The following DOCK5 variants were observed in gnomAD, a reference collection of about 807,000 sequenced individuals.
DOCK5 encodes dedicator of cytokinesis protein 5.
DOCK5 carries 142 observed loss-of-function variants against 251.8 expected under a neutral mutation model. The observed-to-expected ratio is 0.56, with a 90% CI of 0.49 to 0.65. DOCK5 has a LOEUF of 0.65. DOCK5 is among the 30% of genes least tolerant of loss of function. DOCK5 has a pLI of 0.00. For synonymous variants in DOCK5, 842 were observed against 835.5 expected (o/e 1.01, Z -0.13); for missense variants, 2,111 against 2,312.3 (o/e 0.91, Z 1.79).
At chr8:25,308,056 C>T (rs1199303413) in intron 11 of DOCK5, among the ~76,000 whole-genome samples, 5 of 152,106 alleles carry the variant, frequency 3.3e-5, no homozygotes, top group Admixed American at 1.3e-4. Flanking sequence ...GAAAACTGGC[C>T]TACATGCAGT....
Position 25,317,015 on chromosome 8 carries a change from C to A in DOCK5, c.1327C>A (p.Arg443=). The A allele has an allele frequency of 6.2e-7, 1 of 1,613,672 alleles. No homozygotes were observed. The highest frequency in any genetic ancestry group is 1.1e-5 in the South Asian group (1 of 91,036). ...FPEIILPGDV[R]NDIYVTLIHG... ...TGCTTATCATGTTGCAGGAGATGTT[C>A]GGAATGACATTTATGTCACCCTGAT... Residue 443 remains arginine (R), a synonymous_variant, in exon 14 of 52, where the codon CGG becomes AGG. Coordinates refer to ENST00000276440, the MANE Select transcript of DOCK5 (RefSeq NM_024940.8).
intron 2 of DOCK5, among the ~76,000 whole-genome samples, chr8:25,260,108 G>T (rs1227486035): frequency 6.6e-6 from 1 of 152,282 alleles, no homozygotes; most frequent in East Asian, 1.9e-4. Flanking sequence ...TGACGAGTTT[G>T]CACCCAGCAG....
intron 39 of DOCK5, among the ~76,000 whole-genome samples, chr8:25,382,363 G>A (rs2659580): frequency 0.98 from 148,939 of 152,300 alleles, 72,908 homozygotes; most frequent in Middle Eastern, 1. Context: ...TTAACCTTTT[G>A]TAGTCCCTGA....
chr8:25,323,279 A>G (rs1805474752), intron 16 of DOCK5, among the ~76,000 whole-genome samples: 1 of 152,240 alleles, frequency 6.6e-6, no homozygotes, highest in Non-Finnish European at 1.5e-5. Context: ...GGGCAGCACC[A>G]TAAACCCTAG....
At position 25,301,702 on chromosome 8, in the gene DOCK5, CAA is replaced by C. The variant is rs5890221; in HGVS notation, c.847-610_847-609del. Among the ~76,000 whole-genome samples, 253 of 136,784 alleles carry C rather than the reference CAA, an allele frequency of 1.8e-3. 1 individual carries two copies. The highest frequency in any genetic ancestry group is 3.7e-3 in the Middle Eastern group (1 of 270). The allele number at this position is 136,784 out of a possible 152,430, so 89.7% of individuals were successfully genotyped here. The stretch of plus-strand genomic sequence containing the variant: ...CCTGGATAACATAGGGAGACCTTGT[CAA>C]AAAAAAAAAAAATACAAACAAGTGT... On this transcript the variant is annotated intron_variant, in intron 9 of 51. Transcript: ENST00000276440.
At position 25,390,290 on chromosome 8, in the gene DOCK5, A is replaced by C. The variant is rs1463802975; in HGVS notation, c.4355+3A>C. ...CCTGTTCCAGAGCAGATCTTAAAGT[A>C]AGTGGTTTTTCATTTAAAAAAAAAA... On this transcript the variant is annotated splice_donor_region_variant and intron_variant, in intron 42 of 51. Transcript: ENST00000276440. 6.4e-7 allele frequency: 1 copy of C among 1,555,822 alleles called. No homozygotes were observed.
chr8:25,215,979 G>A (rs928431778), intron 1 of DOCK5, among the ~76,000 whole-genome samples: 2 of 144,002 alleles, frequency 1.4e-5, no homozygotes, highest in African/African-American at 2.6e-5. Context: ...ACACGTATAC[G>A]ATATGAATAT....
At chr8:25,235,082 T>C (rs1458427751) in intron 1 of DOCK5, among the ~76,000 whole-genome samples, 1 of 152,116 alleles carries the variant, frequency 6.6e-6, no homozygotes, top group African/African-American at 2.4e-5. Context: ...CAGGTGTTAG[T>C]CATCATTCTG....
intron 11 of DOCK5, chr8:25,305,397 A>T (rs1804890665): frequency 6.6e-6 from 1 of 152,216 alleles, no homozygotes; most frequent in Non-Finnish European, 1.5e-5. Context: ...TAGATGATTA[A>T]ACATACAACT....
chr8:25,399,866 G>A (rs1801406798), intron 45 of DOCK5, 45 bp from the exon 46 acceptor site: 1 of 1,471,798 alleles, frequency 6.8e-7, no homozygotes, highest in Non-Finnish European at 9.4e-7. Context: ...TTCCTGCACA[G>A]ATAGGAATGT....
chr8:25,380,826 G>A (rs1801051789), intron 39 of DOCK5, among the ~76,000 whole-genome samples: 1 of 151,476 alleles, frequency 6.6e-6, no homozygotes, highest in Non-Finnish European at 1.5e-5. Flanking sequence ...AAGCTCAGTG[G>A]AGGCAGCCAC....
intron 28 of DOCK5, among the ~76,000 whole-genome samples, chr8:25,361,931 G>C (rs1800689364): frequency 1.3e-5 from 2 of 152,204 alleles, no homozygotes; most frequent in South Asian, 4.1e-4. Context: ...AACTGGACAG[G>C]ACTTTCAAGA....
chr8:25,215,924 GAAAT>G (rs1341872533), intron 1 of DOCK5, among the ~76,000 whole-genome samples: 1 of 131,252 alleles, frequency 7.6e-6, no homozygotes, highest in Non-Finnish European at 1.6e-5. Flanking sequence ...TCAAATCCTG[GAAAT>G]AAATACACAC....
In DOCK5 at chr8:25,212,487, G is replaced by T. The variant is rs750363667; in HGVS notation, c.43+27536G>T. 4.2e-5 allele frequency among the ~76,000 whole-genome samples: 3 copies of T among 70,770 alleles called. 1 individual carries two copies. The highest frequency in any genetic ancestry group is 9.2e-5 in the Non-Finnish European group (2 of 21,638). 46.4% of individuals were successfully genotyped at this position (70,770 alleles called of 152,430 possible). A position where few individuals can be genotyped will look rare whatever the true frequency, so the allele number is the denominator to read the frequency against. On this transcript the variant is annotated intron_variant, in intron 1 of 51. Transcript: ENST00000276440. Reference sequence around the variant, plus strand: ...GGGTCTTGAAAGAGCTTACATTCTAGTCGGGGAAATAAGAAGTATACACAA... The same window carrying T: ...GGGTCTTGAAAGAGCTTACATTCTATTCGGGGAAATAAGAAGTATACACAA...
chr8:25,324,009 C>T lies in DOCK5; in HGVS notation c.1719+58C>T, dbSNP rs1586329536. 5 of 1,465,936 alleles carry T rather than the reference C, an allele frequency of 3.4e-6. No individual in the cohort carries two copies. In the East Asian group the frequency reaches 1.2e-4, roughly 36 times the overall value. The allele number at this position is 1,465,936 out of a possible 1,614,324, so 90.8% of individuals were successfully genotyped here. A position where few individuals can be genotyped will look rare whatever the true frequency, so the allele number is the denominator to read the frequency against. The stretch of plus-strand genomic sequence containing the variant: ...CTCCCTTTCAAATGAGCATTTAAGA[C>T]TCCTTTCATATTTATTTGTACAAAC... On this transcript the variant is annotated intron_variant, in intron 17 of 51. Coordinates refer to ENST00000276440, the MANE Select transcript of DOCK5 (RefSeq NM_024940.8).
intron 2 of DOCK5, among the ~76,000 whole-genome samples, chr8:25,265,235 G>A (rs979440143): frequency 9.2e-5 from 14 of 152,086 alleles, no homozygotes; most frequent in African/African-American, 3.4e-4. Context: ...TTGGTGGTGT[G>A]GACTAGGCAT....
intron 5 of DOCK5, among the ~76,000 whole-genome samples, 152 bp downstream of exon 5, chr8:25,278,817 A>ACTGC (rs1804113089): frequency 2.0e-5 from 3 of 152,114 alleles, no homozygotes; most frequent in Admixed American, 1.3e-4. Flanking sequence ...GCAGATTCTC[A>ACTGC]TTTCCCCAGA....
intron 6 of DOCK5, among the ~76,000 whole-genome samples, chr8:25,292,833 T>C (rs1240263628): frequency 1.3e-5 from 2 of 152,218 alleles, no homozygotes; most frequent in Non-Finnish European, 2.9e-5. Context: ...ATTCTAACAG[T>C]GGATTCCAAA....
intron 2 of DOCK5, among the ~76,000 whole-genome samples, chr8:25,247,941 G>A (rs556132078): frequency 1.3e-5 from 2 of 152,006 alleles, no homozygotes; most frequent in African/African-American, 4.8e-5. Context: ...CTTCTTAACT[G>A]CTACCATAAC....
Sources: gnomAD v4.1 joint callset for allele counts (sites outside exome capture counted in the v4.1 genomes callset) on GRCh38, gnomAD v4.1.1 for gene constraint, MANE v1.5 for transcripts, NCBI Gene and HGNC (gene_info 2026-07-23, HGNC 2026-07-21) for gene names.